The following GPATCH2L variants were observed in gnomAD, a reference collection of about 807,000 sequenced individuals.
GPATCH2L encodes G-patch domain containing 2 like.
GPATCH2L carries 31 observed loss-of-function variants against 57.4 expected under a neutral mutation model. The observed-to-expected ratio is 0.54, with a 90% CI of 0.41 to 0.73. The LOEUF (loss-of-function observed/expected upper bound fraction) is 0.73, where lower values mean the gene tolerates loss of function less well. Among genes scored for constraint, GPATCH2L ranks in the 30% least tolerant of loss-of-function variants. GPATCH2L has a pLI of 0.00. For synonymous variants in GPATCH2L, 199 were observed against 210.7 expected (o/e 0.94, Z 0.48); for missense variants, 481 against 599.9 (o/e 0.80, Z 2.07).
In GPATCH2L at chr14:76,173,627, TGATA is replaced by T; in HGVS notation, c.984+3_984+6del. 1 of 1,576,690 alleles carries T rather than the reference TGATA, an allele frequency of 6.3e-7. No homozygotes were observed. Among genetic ancestry groups the T allele is most frequent in the South Asian group, 1.1e-5 (1 of 90,306 alleles). On this transcript the variant is annotated splice_donor_5th_base_variant and intron_variant, in intron 5 of 9. Coordinates refer to ENST00000261530, the MANE Select transcript of GPATCH2L (RefSeq NM_017926.4). Reference sequence around the variant, plus strand: ...GGGCGAAGAAGGCTGGTTGGGAAGGTGATACCTCTCACAGTTAGCTTGGCTCAGT... The same window carrying T: ...GGGCGAAGAAGGCTGGTTGGGAAGGTCCTCTCACAGTTAGCTTGGCTCAGT...
chr14:76,187,621 A>G (rs184269358), intron 8 of GPATCH2L, among the ~76,000 whole-genome samples: 1 of 152,258 alleles, frequency 6.6e-6, no homozygotes, highest in Non-Finnish European at 1.5e-5. Context: ...GTATATACTT[A>G]TGGGGTACAT....
At chr14:76,216,371 A>G (rs1371471818), downstream of GPATCH2L, among the ~76,000 whole-genome samples, 2 of 152,066 alleles carry the variant, frequency 1.3e-5, no homozygotes, top group Admixed American at 6.5e-5. Context: ...AGCCAGTTGT[A>G]ACCCCAGATA....
chr14:76,187,448 A>C (rs1349056045), intron 8 of GPATCH2L, among the ~76,000 whole-genome samples: 1 of 152,134 alleles, frequency 6.6e-6, no homozygotes, highest in Non-Finnish European at 1.5e-5. Flanking sequence ...ATTAGTAATT[A>C]AGCAGAATAA....
At chr14:76,235,461 G>A (rs571422324) in intron 2 of GPATCH2L, among the ~76,000 whole-genome samples, 2 of 152,290 alleles carry the variant, frequency 1.3e-5, no homozygotes, top group South Asian at 2.1e-4. Flanking sequence ...TGCAAGACAC[G>A]CCTTTGCTTC....
chr14:76,166,445 G>A (rs941205004), intron 2 of GPATCH2L, among the ~76,000 whole-genome samples: 3 of 152,086 alleles, frequency 2.0e-5, no homozygotes, highest in Non-Finnish European at 2.9e-5. Context: ...GATTTTTTTA[G>A]TACTTTAAAA....
chr14:76,226,684 C>G (rs2040537856), intron 1 of GPATCH2L, among the ~76,000 whole-genome samples: 1 of 152,164 alleles, frequency 6.6e-6, no homozygotes. Flanking sequence ...GGGTTCACCC[C>G]CTTCCACCAT....
chr14:76,154,580 A>G lies in GPATCH2L; in HGVS notation c.217A>G (p.Thr73Ala). 6.2e-7 allele frequency: 1 copy of G among 1,614,254 alleles called. No homozygotes were observed. Among genetic ancestry groups the G allele is most frequent in the African/African-American group, 1.3e-5 (1 of 75,076 alleles). The part of the protein sequence containing the change: ...EASESSLDEA[T>A]KDCREVAPVT... ...CTCTGAGTCAAGTCTGGATGAGGCC[A>G]CTAAGGACTGTCGAGAAGTGGCTCC... The change falls in exon 2 of 10, where the codon ACT (threonine) becomes GCT (alanine). Residue 73 changes from threonine to alanine, a missense_variant. Thr to Ala is a moderately conservative substitution (Grantham distance 58). Around this residue, in one of 3 missense-constraint regions of GPATCH2L, gnomAD observed 208 missense variants for 272.4 expected, o/e 0.76. Transcript: ENST00000261530. This position sits in a 1 kb window ranked among gnomAD's most constrained non-coding sequence, Gnocchi z 4.4.
At chr14:76,229,365 C>T (rs1329634558) in intron 1 of GPATCH2L, among the ~76,000 whole-genome samples, 1 of 152,218 alleles carries the variant, frequency 6.6e-6, no homozygotes, top group Non-Finnish European at 1.5e-5. Flanking sequence ...TCCCATTCCT[C>T]ATCTGATATG....
intron 4 of GPATCH2L, among the ~76,000 whole-genome samples, chr14:76,173,012 C>T (rs1038192860): frequency 5.9e-5 from 9 of 152,112 alleles, no homozygotes; most frequent in Non-Finnish European, 1.0e-4. Context: ...TTAAAATGGC[C>T]TATAATCTCA....
chr14:76,160,520 G>A (rs574241692), intron 2 of GPATCH2L, among the ~76,000 whole-genome samples: 1 of 152,310 alleles, frequency 6.6e-6, no homozygotes, highest in South Asian at 2.1e-4. Flanking sequence ...AAGTGCTGGA[G>A]AAGAAGATAC....
At chr14:76,234,154 T>G (rs2040587483) in intron 2 of GPATCH2L, among the ~76,000 whole-genome samples, 1 of 152,206 alleles carries the variant, frequency 6.6e-6, no homozygotes, top group African/African-American at 2.4e-5. Context: ...GACCAGATAT[T>G]GAGATTCATG....
intron 8 of GPATCH2L, among the ~76,000 whole-genome samples, chr14:76,192,853 C>T (rs2040024063): frequency 6.6e-6 from 1 of 152,066 alleles, no homozygotes; most frequent in Middle Eastern, 3.2e-3. Context: ...CTGTTATAAC[C>T]AGAGGAATTT....
At chr14:76,171,049 C>T (rs957684381) in intron 3 of GPATCH2L, among the ~76,000 whole-genome samples, 3 of 152,118 alleles carry the variant, frequency 2.0e-5, no homozygotes, top group East Asian at 3.8e-4. Flanking sequence ...GCTATTAAAG[C>T]GGTCCAGTCT....
chr14:76,197,559 G>T (rs2040194337), intron 9 of GPATCH2L, among the ~76,000 whole-genome samples: 1 of 152,056 alleles, frequency 6.6e-6, no homozygotes, highest in Non-Finnish European at 1.5e-5. Flanking sequence ...CACAACCTGA[G>T]TGCCCCATGG....
chr14:76,177,908 G>C, intron 6 of GPATCH2L, 80 bp from the exon 7 acceptor site: 1 of 1,598,024 alleles, frequency 6.3e-7, no homozygotes, highest in Non-Finnish European at 8.6e-7. Context: ...GTTACCATCA[G>C]CTGGGAAAAG....
chr14:76,218,475 T>C (rs1035616943), downstream of GPATCH2L, among the ~76,000 whole-genome samples: 1 of 151,932 alleles, frequency 6.6e-6, no homozygotes. Flanking sequence ...ACACAAGAAA[T>C]ATTATTTGTA....
Position 76,182,968 on chromosome 14 carries a change from G to T in GPATCH2L, c.1193+2119G>T, listed in dbSNP as rs118047000. On this transcript the variant is annotated intron_variant, in intron 8 of 9. Transcript: ENST00000261530. ...CTTAATACCAAATAAAATAATGTCT[G>T]TGTATACTGTTTGGGAAAATGATTT... is the stretch of plus-strand genomic sequence containing the variant. 5.1e-4 allele frequency among the ~76,000 whole-genome samples: 78 copies of T among 152,350 alleles called. No individual in the cohort carries two copies. The East Asian group carries it at 9.6e-3, about 19-fold the overall frequency.
At chr14:76,173,414 A>T in intron 4 of GPATCH2L, 132 bp from the exon 5 acceptor site, 2 of 590,172 alleles carry the variant, frequency 3.4e-6, no homozygotes, top group Non-Finnish European at 6.1e-6. Flanking sequence ...ATCCTTGGCA[A>T]ATAGCTCTGT....
At chr14:76,194,615 T>G (rs2040089634) in intron 8 of GPATCH2L, among the ~76,000 whole-genome samples, 1 of 152,188 alleles carries the variant, frequency 6.6e-6, no homozygotes, top group African/African-American at 2.4e-5. Context: ...CCTTGTTGCC[T>G]TGCTAACCAG....
Sources: allele counts gnomAD v4.1 joint callset (sites outside exome capture counted in the v4.1 genomes callset), GRCh38; gene constraint gnomAD v4.1.1; regional missense constraint gnomAD v4.1.1; non-coding constraint Gnocchi (gnomAD v3.1); transcripts MANE v1.5; gene names NCBI Gene and HGNC (gene_info 2026-07-23, HGNC 2026-07-21).